The following FHIT variants were observed in gnomAD, a reference collection of about 807,000 sequenced individuals.
The protein encoded by FHIT is fragile histidine triad diadenosine triphosphatase, also known as bis(5'-adenosyl)-triphosphatase.
A neutral mutation model predicts 17.9 loss-of-function variants in FHIT; 19 were observed. The ratio of observed to expected loss-of-function variants is 1.06; its 90% CI spans 0.74 to 1.56. The LOEUF (loss-of-function observed/expected upper bound fraction) is 1.56. Ranked by LOEUF, FHIT falls within the 40% of genes most tolerant of loss-of-function variation. The pLI, the probability that FHIT is intolerant of heterozygous loss-of-function variation, is 0.00. For synonymous variants in FHIT, 81 were observed against 69.7 expected, an observed-to-expected ratio of 1.16 and a Z score of -0.81; for missense variants, 248 against 189.2, an observed-to-expected ratio of 1.31 and a Z score of -1.82.
At chr3:60,127,576 C>T (rs1215022671) in intron 5 of FHIT, among the ~76,000 whole-genome samples, 3 of 152,070 alleles carry the variant, frequency 2.0e-5, no homozygotes, top group Non-Finnish European at 2.9e-5. Flanking sequence ...ATTTTTTATG[C>T]TTAAATAAGA....
At chr3:59,992,664 T>C (rs1474595683) in intron 7 of FHIT, among the ~76,000 whole-genome samples, 2 of 152,092 alleles carry the variant, frequency 1.3e-5, no homozygotes, top group Non-Finnish European at 2.9e-5. Flanking sequence ...GAGATCCTGC[T>C]TTGTGCCTCC....
intron 5 of FHIT, among the ~76,000 whole-genome samples, chr3:60,133,425 T>C (rs1218815997): frequency 6.6e-6 from 1 of 152,050 alleles, no homozygotes; most frequent in South Asian, 2.1e-4. Flanking sequence ...AGGGAATGAG[T>C]TGGGGCAAGC....
chr3:60,746,027 T>A (rs550656886), intron 4 of FHIT, among the ~76,000 whole-genome samples: 2 of 152,276 alleles, frequency 1.3e-5, no homozygotes, highest in African/African-American at 4.8e-5. Context: ...AAGTTTTCAG[T>A]CAAAGTGGGT....
At chr3:60,298,928 C>G (rs1708329808) in intron 5 of FHIT, among the ~76,000 whole-genome samples, 1 of 152,054 alleles carries the variant, frequency 6.6e-6, no homozygotes, top group African/African-American at 2.4e-5. Flanking sequence ...GACAGGACCC[C>G]CTCAGATCAT....
chr3:61,048,282 A>C (rs1173037986), intron 2 of FHIT, among the ~76,000 whole-genome samples: 2 of 152,226 alleles, frequency 1.3e-5, no homozygotes, highest in South Asian at 4.1e-4. Context: ...ATTTACAAGA[A>C]AAAAATCAAA....
chr3:60,659,934 C>T (rs1300121095), intron 4 of FHIT, among the ~76,000 whole-genome samples: 1 of 152,064 alleles, frequency 6.6e-6, no homozygotes, highest in African/African-American at 2.4e-5. Context: ...CCAGGGTTTG[C>T]TTTTTCATTC....
chr3:60,727,982 C>A (rs559216585), intron 4 of FHIT, among the ~76,000 whole-genome samples: 4 of 152,140 alleles, frequency 2.6e-5, no homozygotes, highest in Admixed American at 1.3e-4. Flanking sequence ...CCAGCCTGGG[C>A]GACAGGGCGA....
At chr3:61,127,323 C>T (rs2036636389) in intron 2 of FHIT, among the ~76,000 whole-genome samples, 1 of 152,130 alleles carries the variant, frequency 6.6e-6, no homozygotes, top group African/African-American at 2.4e-5. Context: ...TTTGTTCTGC[C>T]ACTCAGTTGT....
intron 4 of FHIT, among the ~76,000 whole-genome samples, chr3:60,680,524 T>C (rs1577062706): frequency 6.6e-6 from 1 of 151,458 alleles, no homozygotes; most frequent in Admixed American, 6.6e-5. Flanking sequence ...CATGGTAAAA[T>C]GACTCTTGGT....
chr3:60,938,724 C>G (rs79514419), intron 3 of FHIT, among the ~76,000 whole-genome samples: 2 of 152,130 alleles, frequency 1.3e-5, no homozygotes, highest in African/African-American at 4.8e-5. Flanking sequence ...CATCCATTGC[C>G]GTAACAGAAA....
intron 5 of FHIT, among the ~76,000 whole-genome samples, chr3:60,366,460 C>T (rs1700111780): frequency 6.6e-6 from 1 of 152,170 alleles, no homozygotes; most frequent in African/African-American, 2.4e-5. Context: ...TCATTTGACC[C>T]TTGCTATGTT....
intron 3 of FHIT, among the ~76,000 whole-genome samples, chr3:60,879,097 T>G (rs111482229): frequency 0.018 from 2,693 of 152,270 alleles, 75 homozygotes; most frequent in African/African-American, 0.06. Context: ...CTAGTTTACA[T>G]TCCCACCAAC....
At chr3:59,802,573 A>T (rs942905990) in intron 8 of FHIT, among the ~76,000 whole-genome samples, 5 of 151,512 alleles carry the variant, frequency 3.3e-5, no homozygotes, top group African/African-American at 9.7e-5. Flanking sequence ...ACCCCCTTTG[A>T]CTGTGATTTT....
At chr3:61,119,576 C>T (rs1287592077) in intron 2 of FHIT, among the ~76,000 whole-genome samples, 1 of 152,128 alleles carries the variant, frequency 6.6e-6, no homozygotes, top group Non-Finnish European at 1.5e-5. Flanking sequence ...GCTGGTAAAA[C>T]ATTGCTTCTG....
At chr3:60,275,743 G>C (rs1265736012) in intron 5 of FHIT, among the ~76,000 whole-genome samples, 1 of 152,122 alleles carries the variant, frequency 6.6e-6, no homozygotes, top group East Asian at 1.9e-4. Context: ...GAGGGTCAAA[G>C]TTCTTATAAA....
intron 5 of FHIT, among the ~76,000 whole-genome samples, chr3:60,103,420 G>T (rs1704274908): frequency 6.6e-6 from 1 of 152,130 alleles, no homozygotes; most frequent in Non-Finnish European, 1.5e-5. Context: ...AAAGCAACAT[G>T]CTTTTACACG....
At chr3:61,119,314 G>A (rs1230095468) in intron 2 of FHIT, among the ~76,000 whole-genome samples, 1 of 151,982 alleles carries the variant, frequency 6.6e-6, no homozygotes, top group African/African-American at 2.4e-5. Context: ...CACCTCCCAG[G>A]GTCAAGCGAT....
At chr3:59,954,227 T>G (rs1707277173) in intron 7 of FHIT, among the ~76,000 whole-genome samples, 1 of 150,498 alleles carries the variant, frequency 6.6e-6, no homozygotes, top group Non-Finnish European at 1.5e-5. Flanking sequence ...TTCTGTTTTT[T>G]TTTCTTTTTT....
intron 8 of FHIT, among the ~76,000 whole-genome samples, chr3:59,828,875 A>G (rs1006796883): frequency 1.6e-5 from 1 of 61,528 alleles, no homozygotes; most frequent in African/African-American, 5.4e-5. Context: ...GTGTGTGTGT[A>G]TCCTACCAAA....
Sources: gnomAD v4.1 joint callset for allele counts (sites outside exome capture counted in the v4.1 genomes callset) on GRCh38, gnomAD v4.1.1 for gene constraint, MANE v1.5 for transcripts, NCBI Gene and HGNC (gene_info 2026-07-23, HGNC 2026-07-21) for gene names.